PRKCZ: variants seen among roughly 807,000 people sequenced by gnomAD.
The protein encoded by PRKCZ is protein kinase C zeta type.
PRKCZ carries 33 observed loss-of-function variants against 79.5 expected under a neutral mutation model. The observed-to-expected ratio is 0.41, with a 90% CI of 0.31 to 0.55. The LOEUF is 0.55. PRKCZ is among the 20% of genes least tolerant of loss of function. The pLI, the probability that PRKCZ is intolerant of heterozygous loss-of-function variation, is 0.19. For missense variants in PRKCZ, 578 were observed against 813.5 expected, an observed-to-expected ratio of 0.71 and a Z score of 3.52; for synonymous variants, 342 against 320.9, an observed-to-expected ratio of 1.07 and a Z score of -0.70.
At chr1:2,169,680 TGG>T (rs1279970514) in intron 11 of PRKCZ, 76 bp downstream of exon 11, 7 of 329,352 alleles carry the variant, frequency 2.1e-5, no homozygotes, top group Non-Finnish European at 2.9e-5. Flanking sequence ...GTTGGGGGGC[TGG>T]GTGGGTGCGC....
At chr1:2,102,600 A>G (rs7521371) in intron 4 of PRKCZ, among the ~76,000 whole-genome samples, 3,247 of 152,190 alleles carry the variant, frequency 0.021, 42 homozygotes, top group South Asian at 0.035. Flanking sequence ...CCAAAGTGCT[A>G]GGATTACAGG....
At chr1:2,141,907 G>T (rs554197236) in intron 5 of PRKCZ, 1 of 322,622 alleles carries the variant, frequency 3.1e-6, no homozygotes, top group African/African-American at 2.2e-5. Context: ...GCATCCAGCA[G>T]CCGAAGCGCC....
chr1:2,107,504 G>T (rs1668792784), intron 4 of PRKCZ, among the ~76,000 whole-genome samples: 1 of 152,202 alleles, frequency 6.6e-6, no homozygotes. Context: ...GGGAAAACGT[G>T]TGCAGATACC....
Position 2,184,693 on chromosome 1 carries a change from C to A in PRKCZ, c.1686C>A (p.Asp562Glu). Residue 562 changes from aspartate to glutamate, a missense_variant, in exon 17 of 18, where the codon GAC becomes GAA. Transcript: ENST00000378567. The stretch of plus-strand genomic sequence containing the variant: ...GCGAGCCCGTGCAGCTGACCCCAGA[C>A]GATGAGTGAGTCCCACTGGGTGCGG... ...FTSEPVQLTPDDEDAIKRIDQ... is the reference protein window; with the variant it reads ...FTSEPVQLTPEDEDAIKRIDQ... 6.2e-7 allele frequency: 1 copy of A among 1,612,886 alleles called. No homozygotes were observed. The highest frequency in any genetic ancestry group is 8.5e-7 in the Non-Finnish European group (1 of 1,179,428).
At chr1:2,112,105 A>C (rs192878132) in intron 4 of PRKCZ, among the ~76,000 whole-genome samples, 129 of 152,312 alleles carry the variant, frequency 8.5e-4, no homozygotes, top group Non-Finnish European at 1.3e-3. Flanking sequence ...ATCGCTGCAG[A>C]ATGTGGTTTC....
chr1:2,183,480 T>A (rs1212358042), intron 16 of PRKCZ: 1 of 151,502 alleles, frequency 6.6e-6, no homozygotes, highest in Non-Finnish European at 1.5e-5. Flanking sequence ...TGGGAGTGGG[T>A]TAGAGAGGGA....
chr1:2,085,373 G>A (rs1282289502), intron 4 of PRKCZ, among the ~76,000 whole-genome samples: 2 of 152,232 alleles, frequency 1.3e-5, no homozygotes, highest in Non-Finnish European at 2.9e-5. Flanking sequence ...TGCGCCTCCA[G>A]CCTGTTGACC....
chr1:2,065,416 C>A (rs28786981), intron 4 of PRKCZ, among the ~76,000 whole-genome samples: 4,926 of 152,252 alleles, frequency 0.032, 122 homozygotes, highest in Middle Eastern at 0.13. Context: ...CGGTGGCTCA[C>A]GCCTGTAATC....
chr1:2,073,775 C>CT, intron 4 of PRKCZ: 1 of 1,015,170 alleles, frequency 9.9e-7, no homozygotes, highest in Non-Finnish European at 1.2e-6. Flanking sequence ...CGTTAAATAT[C>CT]TGCTCCTCGC....
chr1:2,123,699 T>C lies in PRKCZ; in HGVS notation c.335-11563T>C, dbSNP rs1312744758. Among the ~76,000 whole-genome samples the C allele has an allele frequency of 7.3e-4, 14 of 19,122 alleles. 5 individuals are homozygous for C. The highest frequency in any genetic ancestry group is 1.2e-3 in the Non-Finnish European group (14 of 11,878). 12.5% of individuals were successfully genotyped at this position (19,122 alleles called of 152,430 possible). A position where few individuals can be genotyped will look rare whatever the true frequency, so the allele number is the denominator to read the frequency against. On this transcript the variant is annotated intron_variant, in intron 4 of 17. Transcript: ENST00000378567. ...GTCACGGCGGTGGTTAGGGTCACGG[T>C]GGTAGTTAGGGTGGTGGTGGTTAGG...
chr1:2,139,357 A>C (rs1676857254), intron 5 of PRKCZ, among the ~76,000 whole-genome samples: 1 of 152,138 alleles, frequency 6.6e-6, no homozygotes, highest in African/African-American at 2.4e-5. Context: ...TGGGAGGCCG[A>C]GGTGGGTGGA....
intron 4 of PRKCZ, among the ~76,000 whole-genome samples, chr1:2,084,381 C>T (rs901475323): frequency 5.3e-5 from 8 of 151,326 alleles, no homozygotes; most frequent in Admixed American, 2.6e-4. Flanking sequence ...CTGTCCGCTT[C>T]GGATTATGGT....
chr1:2,175,185 A>G, intron 15 of PRKCZ, 39 bp from the exon 16 acceptor site: 1 of 1,578,380 alleles, frequency 6.3e-7, no homozygotes, highest in Non-Finnish European at 8.7e-7. Flanking sequence ...GGCTTCCGGG[A>G]TGGGGCTGAC....
intron 4 of PRKCZ, chr1:2,098,216 T>C (rs887728331): frequency 6.6e-6 from 1 of 152,236 alleles, no homozygotes; most frequent in East Asian, 1.9e-4. Flanking sequence ...AGTTAAACTT[T>C]AGAATGAAGA....
In PRKCZ at chr1:2,166,517, G is replaced by A. The variant is rs561856471; in HGVS notation, c.975-3001G>A. On this transcript the variant is annotated intron_variant, in intron 10 of 17. Transcript: ENST00000378567. Reference sequence around the variant, plus strand: ...CTCCCCTTGCAAACATGAGAGGAGCGTTAATGCCAGGACAGGGAGCAGGGA... The same window carrying A: ...CTCCCCTTGCAAACATGAGAGGAGCATTAATGCCAGGACAGGGAGCAGGGA... Among the ~76,000 whole-genome samples, 14 of 152,316 alleles carry A rather than the reference G, an allele frequency of 9.2e-5. No homozygotes were observed. In the East Asian group the frequency reaches 1.5e-3, roughly 17 times the overall value.
At chr1:2,105,998 G>C (rs372432203) in intron 4 of PRKCZ, among the ~76,000 whole-genome samples, 2 of 152,230 alleles carry the variant, frequency 1.3e-5, no homozygotes, top group Non-Finnish European at 2.9e-5. Context: ...TTTGTGCCCT[G>C]TGTGGGAGGT....
rs759495017 is a variant in PRKCZ, at chr1:2,075,754, C to T, written c.334+16163C>T. ...GGTGCCTGAGAGCCCAGCCCATCCA[C>T]ACTGGGTGCCCCAGACCTTCCACGG... On this transcript the variant is annotated intron_variant, in intron 4 of 17. Transcript: ENST00000378567. This position sits in a 1 kb window ranked among gnomAD's most constrained non-coding sequence, Gnocchi z 4.8. 2.0e-5 allele frequency among the ~76,000 whole-genome samples: 3 copies of T among 152,252 alleles called. No individual in the cohort carries two copies. Among genetic ancestry groups the T allele is most frequent in the Non-Finnish European group, 4.4e-5 (3 of 68,034 alleles).
Position 2,079,626 on chromosome 1 carries a change from A to C in PRKCZ, c.334+20035A>C, listed in dbSNP as rs1571214763. Among the ~76,000 whole-genome samples the C allele has an allele frequency of 2.6e-5, 4 of 152,348 alleles. No homozygotes were observed. In the South Asian group the frequency reaches 8.3e-4, roughly 32 times the overall value. On this transcript the variant is annotated intron_variant, in intron 4 of 17. Transcript: ENST00000378567. ...CTATCATGGGATTAGCCAGTAACTA[A>C]GCCACAACGCTGGCCCCGCGGCTGC...
chr1:2,167,618 C>T (rs262645), intron 10 of PRKCZ, among the ~76,000 whole-genome samples: 5,042 of 152,164 alleles, frequency 0.033, 268 homozygotes, highest in African/African-American at 0.12. Context: ...TTATTTTATT[C>T]TTTGAGACAG....
Sources: gnomAD v4.1 joint callset for allele counts (sites outside exome capture counted in the v4.1 genomes callset) on GRCh38, gnomAD v4.1.1 for gene constraint, Gnocchi (gnomAD v3.1) non-coding constraint, MANE v1.5 for transcripts, NCBI Gene and HGNC (gene_info 2026-07-23, HGNC 2026-07-21) for gene names.